The following PHF24 variants were observed in gnomAD, a reference collection of about 807,000 sequenced individuals.
PHF24 encodes Galpha inhibitory interacting protein.
In PHF24, 25 loss-of-function variants were observed where a neutral mutation model predicts 42.6. That is an observed-to-expected ratio of 0.59 (90% CI 0.43 to 0.82). PHF24 has a LOEUF of 0.82. Among genes scored for constraint, PHF24 ranks in the 40% least tolerant of loss-of-function variants. The probability of loss-of-function intolerance (pLI) is 0.00; values close to 1 mark genes in which losing one functional copy is unlikely to be tolerated. For synonymous variants in PHF24, 185 were observed against 204.8 expected (o/e 0.90, Z 0.83); for missense variants, 470 against 538.1 (o/e 0.87, Z 1.25).
chr9:34,730,721 A>T, the PHF24 span, among the ~76,000 whole-genome samples: 1 of 152,216 alleles, frequency 6.6e-6, no homozygotes, highest in South Asian at 2.1e-4. Flanking sequence ...AATCATAGTG[A>T]GGATCATGGT....
chr9:34,711,396 C>T, the PHF24 span, among the ~76,000 whole-genome samples: 6 of 151,666 alleles, frequency 4.0e-5, no homozygotes, highest in Non-Finnish European at 8.8e-5. Context: ...CCATGCCTGG[C>T]TAATTTTTGT....
At chr9:34,937,373 A>T in the PHF24 span, among the ~76,000 whole-genome samples, 1 of 152,148 alleles carries the variant, frequency 6.6e-6, no homozygotes, top group Non-Finnish European at 1.5e-5. Flanking sequence ...TCTCTGAAAC[A>T]TGTGCTGTGT....
At chr9:34,744,437 GT>G in the PHF24 span, among the ~76,000 whole-genome samples, 1 of 152,134 alleles carries the variant, frequency 6.6e-6, no homozygotes, top group African/African-American at 2.4e-5. Flanking sequence ...TACAAAGTAG[GT>G]TGCAACCTGG....
intron 3 of PHF24, among the ~76,000 whole-genome samples, chr9:34,973,847 G>A (rs1181513956): frequency 6.6e-6 from 1 of 152,020 alleles, no homozygotes; most frequent in Non-Finnish European, 1.5e-5. Context: ...TGGGGTGAAG[G>A]GGTCACCTCC....
chr9:34,751,950 C>A, the PHF24 span, among the ~76,000 whole-genome samples: 1 of 151,632 alleles, frequency 6.6e-6, no homozygotes, highest in African/African-American at 2.4e-5. Flanking sequence ...TCCTAAATGA[C>A]CAGTGGGTCA....
At chr9:34,670,150 C>T in the PHF24 span, among the ~76,000 whole-genome samples, 3 of 152,168 alleles carry the variant, frequency 2.0e-5, no homozygotes, top group South Asian at 2.1e-4. Context: ...TGAGACCCTC[C>T]TAGACTTCAT....
At chr9:34,917,493 G>A in the PHF24 span, 40 of 771,686 alleles carry the variant, frequency 5.2e-5, no homozygotes, top group Admixed American at 1.9e-4. Context: ...AAGTACAATC[G>A]AAAGCCTGCA....
the PHF24 span, among the ~76,000 whole-genome samples, chr9:34,905,858 T>G: frequency 1.3e-5 from 2 of 152,370 alleles, no homozygotes; most frequent in South Asian, 2.1e-4. Flanking sequence ...TTATTTTGTC[T>G]TCGTGTGGAA....
the PHF24 span, among the ~76,000 whole-genome samples, chr9:34,855,133 T>A: frequency 1.3e-5 from 2 of 152,208 alleles, no homozygotes; most frequent in Non-Finnish European, 2.9e-5. Flanking sequence ...TTGGTAAAAT[T>A]TCCCCCATCC....
chr9:34,832,694 CTTCTTTTGA>C, the PHF24 span: 1 of 1,544,436 alleles, frequency 6.5e-7, no homozygotes, highest in South Asian at 1.2e-5. Context: ...TAAGGCTGGG[CTTCTTTTGA>C]GTATGGGCTG....
intron 3 of PHF24, among the ~76,000 whole-genome samples, chr9:34,973,481 C>T (rs1368731551): frequency 6.6e-6 from 1 of 152,136 alleles, no homozygotes; most frequent in Non-Finnish European, 1.5e-5. Context: ...CATTGAAAGC[C>T]AGATTTATAT....
chr9:34,713,580 A>G, the PHF24 span, among the ~76,000 whole-genome samples: 1 of 152,148 alleles, frequency 6.6e-6, no homozygotes, highest in East Asian at 1.9e-4. Context: ...TTCCACCTCA[A>G]TAGTTGCTTT....
chr9:34,808,862 G>A, the PHF24 span, among the ~76,000 whole-genome samples: 5 of 134,858 alleles, frequency 3.7e-5, no homozygotes, highest in South Asian at 1.2e-3. Flanking sequence ...AGTTTTGGAG[G>A]GAACAAACAC....
the PHF24 span, among the ~76,000 whole-genome samples, chr9:34,789,991 C>T: frequency 3.3e-5 from 5 of 152,130 alleles, no homozygotes; most frequent in Admixed American, 3.3e-4. Flanking sequence ...GGACTACAGG[C>T]ATGCGCCACC....
chr9:34,922,248 A>C, the PHF24 span: 2 of 1,593,020 alleles, frequency 1.3e-6, no homozygotes, highest in East Asian at 2.2e-5. Context: ...CCACAATGTC[A>C]AGTTGTCTCT....
chr9:34,780,970 A>G, the PHF24 span, among the ~76,000 whole-genome samples: 2 of 152,194 alleles, frequency 1.3e-5, no homozygotes, highest in Non-Finnish European at 2.9e-5. Context: ...ATAAAACAAC[A>G]ACAGAAATTA....
At chr9:34,943,368 T>C in the PHF24 span, among the ~76,000 whole-genome samples, 84 of 152,320 alleles carry the variant, frequency 5.5e-4, 2 homozygotes, top group South Asian at 0.017. Flanking sequence ...GTTACTCTAA[T>C]ATCTAAGTAT....
At chr9:34,728,757 T>C in the PHF24 span, 2 of 1,048,550 alleles carry the variant, frequency 1.9e-6, no homozygotes, top group African/African-American at 3.2e-5. Context: ...GCTTTGTATA[T>C]ATCTATCTGT....
chr9:34,963,259 T>G (rs370801248), intron 1 of PHF24, among the ~76,000 whole-genome samples: 16 of 52,764 alleles, frequency 3.0e-4, no homozygotes, highest in Middle Eastern at 0.012. Flanking sequence ...TTTTTGATGG[T>G]TTTTTTTTTT....
Sources: allele counts gnomAD v4.1 joint callset (sites outside exome capture counted in the v4.1 genomes callset), GRCh38; gene constraint gnomAD v4.1.1; transcripts MANE v1.5; gene names NCBI Gene and HGNC (gene_info 2026-07-23, HGNC 2026-07-21).